Variants in EPHB2 observed in about 807,000 individuals in gnomAD.
EPHB2 encodes the protein ephrin type-B receptor 2.
A neutral mutation model predicts 96.4 loss-of-function variants in EPHB2; 18 were observed. The ratio of observed to expected loss-of-function variants is 0.19; its 90% CI spans 0.13 to 0.28. The LOEUF (loss-of-function observed/expected upper bound fraction) is 0.28, where lower values mean the gene tolerates loss of function less well. Among genes scored for constraint, EPHB2 ranks in the 10% least tolerant of loss-of-function variants. The pLI is 1.00. For synonymous variants in EPHB2, 506 were observed against 534.1 expected, an observed-to-expected ratio of 0.95 and a Z score of 0.72; for missense variants, 989 against 1,355.4, an observed-to-expected ratio of 0.73 and a Z score of 4.25.
At chr1:22,720,614 G>C (rs1643430537) in intron 1 of EPHB2, among the ~76,000 whole-genome samples, 1 of 146,822 alleles carries the variant, frequency 6.8e-6, no homozygotes, top group South Asian at 2.2e-4. Context: ...TTATCGTCCA[G>C]TCCAGGGATG....
chr1:22,711,575 G>C (rs1342242107), intron 1 of EPHB2, among the ~76,000 whole-genome samples: 1 of 151,760 alleles, frequency 6.6e-6, no homozygotes, highest in South Asian at 2.1e-4. Flanking sequence ...TGGCAGAGTG[G>C]AAGGGAGCGC....
chr1:22,738,105 T>G lies in EPHB2; in HGVS notation c.61+27062T>G, dbSNP rs1643865796. Among the ~76,000 whole-genome samples the G allele has an allele frequency of 3.9e-5, 6 of 152,316 alleles. No homozygotes were observed. The South Asian group carries it at 1.2e-3, about 32-fold the overall frequency. ...ACTAACTTATCGCAGAGTTGAGAAT[T>G]CTCCACTTAGGGGCTGGATGGATTC... On this transcript the variant is annotated intron_variant, in intron 1 of 15. Coordinates refer to ENST00000374630, the MANE Select transcript of EPHB2 (RefSeq NM_017449.5).
chr1:22,764,709 G>A (rs935640954), intron 1 of EPHB2, among the ~76,000 whole-genome samples: 1 of 151,282 alleles, frequency 6.6e-6, no homozygotes, highest in African/African-American at 2.4e-5. Context: ...TTGCACCACC[G>A]CACTCCAGCC....
chr1:22,894,768 G>C (rs1472475319), intron 7 of EPHB2, among the ~76,000 whole-genome samples: 2 of 152,066 alleles, frequency 1.3e-5, no homozygotes, highest in Admixed American at 1.3e-4. Flanking sequence ...CCTGGCTGGG[G>C]TGCTACTTTC....
rs1392003312 is a variant in EPHB2 at position 22,916,096 on chromosome 1, A to ACTTT, written c.*2526_*2527insCTTT. ...GCAGGTTTCCCACAAACTGGCCGGC[A>ACTTT]GTGGCCCACTGGCCTTCACTTTGTG... On this transcript the variant is annotated 3_prime_UTR_variant, in exon 16 of 16. Transcript: ENST00000374630. The surrounding 1 kb of genome is among the most constrained non-coding windows in gnomAD (Gnocchi z 4.2). 1 of 152,330 alleles carries ACTTT rather than the reference A, an allele frequency of 6.6e-6. No homozygotes were observed. Among genetic ancestry groups the ACTTT allele is most frequent in the African/African-American group, 2.4e-5 (1 of 41,472 alleles). 9.4% of individuals were successfully genotyped at this position (152,330 alleles called of 1,614,324 possible). A position where few individuals can be genotyped will look rare whatever the true frequency, so the allele number is the denominator to read the frequency against.
chr1:22,853,712 C>A (rs1378480552), intron 3 of EPHB2, among the ~76,000 whole-genome samples: 1 of 152,234 alleles, frequency 6.6e-6, no homozygotes, highest in Admixed American at 6.5e-5. Context: ...ACTGGCAGTG[C>A]CTGCGGTGGC....
At chr1:22,895,148 G>A (rs1639515562) in intron 7 of EPHB2, among the ~76,000 whole-genome samples, 1 of 152,196 alleles carries the variant, frequency 6.6e-6, no homozygotes, top group Non-Finnish European at 1.5e-5. Context: ...CGGAGAGTCT[G>A]TCTCCAGAGT....
At chr1:22,884,619 CAAAAAAA>C (rs10599403) in intron 6 of EPHB2, among the ~76,000 whole-genome samples, 1 of 87,362 alleles carries the variant, frequency 1.1e-5, no homozygotes, top group African/African-American at 4.4e-5. Context: ...GATGCTGTCT[CAAAAAAA>C]AAAAAAAAAA....
chr1:22,711,609 C>T (rs1283569120), intron 1 of EPHB2, among the ~76,000 whole-genome samples: 1 of 151,902 alleles, frequency 6.6e-6, no homozygotes, highest in African/African-American at 2.4e-5. Context: ...TCGGTGCCTG[C>T]CCATCGCCCG....
In EPHB2 at chr1:22,774,727, C is replaced by T. The variant is rs902508593; in HGVS notation, c.62-6694C>T. The T allele has an allele frequency of 2.2e-5, 12 of 546,966 alleles. No homozygotes were observed. The South Asian group carries it at 2.4e-4, about 11-fold the overall frequency. 33.9% of individuals were successfully genotyped at this position (546,966 alleles called of 1,614,324 possible). A position where few individuals can be genotyped will look rare whatever the true frequency, so the allele number is the denominator to read the frequency against. On this transcript the variant is annotated intron_variant, in intron 1 of 15. Transcript: ENST00000374630. ...TTCAGGCAGCAGGAGCTCTGAAGGG[C>T]GATCACACATGGACTTTAGGAACAT...
intron 1 of EPHB2, among the ~76,000 whole-genome samples, chr1:22,731,356 G>A (rs2148351997): frequency 6.6e-6 from 1 of 151,842 alleles, no homozygotes; most frequent in Non-Finnish European, 1.5e-5. Context: ...GCTGCACTGG[G>A]GGATTAGCGG....
intron 1 of EPHB2, among the ~76,000 whole-genome samples, chr1:22,749,809 G>A (rs1384553906): frequency 6.6e-6 from 1 of 152,170 alleles, no homozygotes; most frequent in Non-Finnish European, 1.5e-5. Context: ...AAGATACTGA[G>A]ATGAGTCAGC....
chr1:22,804,209 A>G (rs950060093), intron 3 of EPHB2, among the ~76,000 whole-genome samples: 13 of 152,214 alleles, frequency 8.5e-5, no homozygotes, highest in Non-Finnish European at 1.9e-4. Context: ...GAATGAGCTT[A>G]TTGGGTTGGC....
At position 22,846,134 on chromosome 1, in the gene EPHB2, C is replaced by T. The variant is rs535773404; in HGVS notation, c.812-16903C>T. Among the ~76,000 whole-genome samples, 7 of 152,206 alleles carry T rather than the reference C, an allele frequency of 4.6e-5. No individual in the cohort carries two copies. In the South Asian group the frequency reaches 6.2e-4, roughly 14 times the overall value. Reference sequence around the variant, plus strand: ...TTAATGATTCAAGAATGTCCCAGGGCGTGGCCAGGTGCGGTGGTTCACACC... The same window carrying T: ...TTAATGATTCAAGAATGTCCCAGGGTGTGGCCAGGTGCGGTGGTTCACACC... On this transcript the variant is annotated intron_variant, in intron 3 of 15. Transcript: ENST00000374630. The surrounding 1 kb of genome is among the most constrained non-coding windows in gnomAD (Gnocchi z 4.3).
intron 3 of EPHB2, among the ~76,000 whole-genome samples, chr1:22,788,651 G>A (rs1644645880): frequency 6.6e-6 from 1 of 152,144 alleles, no homozygotes; most frequent in Admixed American, 6.5e-5. Flanking sequence ...CAGGTTTCTG[G>A]GTCTGACTCA....
intron 1 of EPHB2, among the ~76,000 whole-genome samples, chr1:22,728,226 C>CTGAA (rs61525878): frequency 9.9e-5 from 15 of 152,156 alleles, no homozygotes; most frequent in East Asian, 1.9e-4. Context: ...TAAAAAATTA[C>CTGAA]TGAATGAATG....
At chr1:22,834,374 G>A (rs1645349312) in intron 3 of EPHB2, among the ~76,000 whole-genome samples, 1 of 152,126 alleles carries the variant, frequency 6.6e-6, no homozygotes, top group African/African-American at 2.4e-5. Context: ...TGGTGGCCAA[G>A]GTGTTTAGCT....
chr1:22,873,538 T>G (rs1638739839), intron 5 of EPHB2, among the ~76,000 whole-genome samples: 1 of 152,216 alleles, frequency 6.6e-6, no homozygotes, highest in African/African-American at 2.4e-5. Flanking sequence ...CTACATAAGT[T>G]ACAGGGCAAA....
chr1:22,794,225 G>A (rs1004409283), intron 3 of EPHB2, among the ~76,000 whole-genome samples: 1 of 152,150 alleles, frequency 6.6e-6, no homozygotes, highest in African/African-American at 2.4e-5. Flanking sequence ...AAGGAAAGAG[G>A]GGGCTGACCC....
Sources: allele counts gnomAD v4.1 joint callset (sites outside exome capture counted in the v4.1 genomes callset), GRCh38; gene constraint gnomAD v4.1.1; non-coding constraint Gnocchi (gnomAD v3.1); transcripts MANE v1.5; gene names NCBI Gene and HGNC (gene_info 2026-07-23, HGNC 2026-07-21).